Variants in PALLD observed in about 807,000 individuals in gnomAD.
PALLD encodes the protein palladin.
PALLD carries 61 observed loss-of-function variants against 123.5 expected under a neutral mutation model. The observed-to-expected ratio is 0.49, with a 90% CI of 0.40 to 0.61. The LOEUF is 0.61. PALLD is among the 20% of genes least tolerant of loss of function. PALLD has a pLI of 0.00. For missense variants in PALLD, 1,273 were observed against 1,377.0 expected, an observed-to-expected ratio of 0.92 and a Z score of 1.20; for synonymous variants, 465 against 496.4, an observed-to-expected ratio of 0.94 and a Z score of 0.84.
chr4:168,608,061 TC>T (rs1356363535), intron 2 of PALLD, among the ~76,000 whole-genome samples: 1 of 152,192 alleles, frequency 6.6e-6, no homozygotes, highest in African/African-American at 2.4e-5. Context: ...GTTCAGTAGG[TC>T]CCGTTTTTAC....
intron 10 of PALLD, among the ~76,000 whole-genome samples, chr4:168,821,318 G>A (rs1023087875): frequency 8.5e-5 from 13 of 152,086 alleles, no homozygotes; most frequent in African/African-American, 2.7e-4. Flanking sequence ...GAAATCCTAA[G>A]TCCTCTGCAA....
chr4:168,498,443 A>G (rs1760987150), intron 1 of PALLD, among the ~76,000 whole-genome samples: 1 of 152,192 alleles, frequency 6.6e-6, no homozygotes, highest in Non-Finnish European at 1.5e-5. Context: ...TGACCTCCTT[A>G]CCTCATTTTT....
chr4:168,528,092 C>T (rs28491717), intron 2 of PALLD, among the ~76,000 whole-genome samples: 1 of 152,126 alleles, frequency 6.6e-6, no homozygotes, highest in Non-Finnish European at 1.5e-5. Flanking sequence ...ACCCTCCTTG[C>T]ATTGTTTGAG....
rs536065108 is a variant in PALLD at position 168,725,604 on chromosome 4, G to A, written c.1964+13681G>A. Among the ~76,000 whole-genome samples the A allele has an allele frequency of 9.9e-5, 13 of 131,542 alleles. No individual in the cohort carries two copies. The East Asian group carries it at 2.9e-3, about 29-fold the overall frequency. The allele number at this position is 131,542 out of a possible 152,430, so 86.3% of individuals were successfully genotyped here. On this transcript the variant is annotated intron_variant, in intron 10 of 21. Transcript: ENST00000505667. ...TGCAGTGGTGCGATCTCTGCTCACT[G>A]CAAGCTCCGCCTCCCGGGTTCACGC...
In PALLD at chr4:168,927,077, T is replaced by C. The variant is rs1762662741; in HGVS notation, c.*897T>C. ...TTTACAAACCATATTAAAAGGCTAA[T>C]TTAAATATAAATAATATAAAGTGCT... On this transcript the variant is annotated 3_prime_UTR_variant, in exon 22 of 22. Transcript: ENST00000505667. The C allele has an allele frequency of 4.5e-6, 1 of 220,918 alleles. No individual in the cohort carries two copies. Among genetic ancestry groups the C allele is most frequent in the Non-Finnish European group, 9.1e-6 (1 of 109,996 alleles). The allele number at this position is 220,918 out of a possible 1,614,324, so 13.7% of individuals were successfully genotyped here.
intron 2 of PALLD, among the ~76,000 whole-genome samples, chr4:168,625,502 G>GATAGATATATATATATACAT: frequency 8.7e-6 from 1 of 114,430 alleles, no homozygotes; most frequent in African/African-American, 3.3e-5. Context: ...ATATCCAGGA[G>GATAGATATATATATATACAT]ATATATATAT....
At chr4:168,851,089 G>T (rs1261905968) in intron 10 of PALLD, among the ~76,000 whole-genome samples, 1 of 152,034 alleles carries the variant, frequency 6.6e-6, no homozygotes, top group Non-Finnish European at 1.5e-5. Flanking sequence ...CTCCCTTCTT[G>T]TCTTTGTCTC....
chr4:168,760,611 C>A (rs1172733537), intron 10 of PALLD, among the ~76,000 whole-genome samples: 1 of 152,136 alleles, frequency 6.6e-6, no homozygotes, highest in African/African-American at 2.4e-5. Flanking sequence ...TTCCCTCAAT[C>A]CAGGATTTTT....
At chr4:168,522,425 G>A (rs1763647993) in intron 2 of PALLD, among the ~76,000 whole-genome samples, 1 of 152,198 alleles carries the variant, frequency 6.6e-6, no homozygotes, top group South Asian at 2.1e-4. Context: ...TCAAATAGTT[G>A]TTTTGAAAGA....
At chr4:168,703,505 A>C (rs1455304916) in intron 8 of PALLD, among the ~76,000 whole-genome samples, 1 of 125,138 alleles carries the variant, frequency 8.0e-6, no homozygotes, top group Non-Finnish European at 1.6e-5. Context: ...CAATGGTTGA[A>C]CTAGTTTACA....
intron 2 of PALLD, chr4:168,598,360 T>G (rs1580499010): frequency 1.7e-6 from 1 of 578,240 alleles, no homozygotes; most frequent in East Asian, 4.3e-5. Context: ...ATGGGAACTG[T>G]TTGGCTAACT....
chr4:168,821,173 A>G (rs75242530), intron 10 of PALLD, among the ~76,000 whole-genome samples: 1,581 of 152,298 alleles, frequency 0.01, 28 homozygotes, highest in African/African-American at 0.036. Context: ...GATTTGAAGG[A>G]ATTATCTTTA....
At chr4:168,642,922 C>A (rs573156442) in intron 2 of PALLD, among the ~76,000 whole-genome samples, 2 of 152,284 alleles carry the variant, frequency 1.3e-5, no homozygotes, top group Non-Finnish European at 2.9e-5. Context: ...GTATACCTTG[C>A]CTTATTGTTA....
intron 16 of PALLD, among the ~76,000 whole-genome samples, chr4:168,914,478 C>A (rs1034210842): frequency 8.5e-5 from 13 of 152,118 alleles, no homozygotes; most frequent in Non-Finnish European, 1.5e-4. Context: ...AACATAAGAC[C>A]ATTAGACTAC....
At chr4:168,547,036 G>T (rs1002304292) in intron 2 of PALLD, among the ~76,000 whole-genome samples, 1 of 151,868 alleles carries the variant, frequency 6.6e-6, no homozygotes, top group Admixed American at 6.6e-5. Context: ...GGTTTTTGTG[G>T]CCAGCATTCC....
At chr4:168,754,425 T>C (rs1731491972) in intron 10 of PALLD, among the ~76,000 whole-genome samples, 1 of 152,232 alleles carries the variant, frequency 6.6e-6, no homozygotes, top group Admixed American at 6.5e-5. Context: ...TGCAAGTTCC[T>C]CAGTGCTATA....
At chr4:168,540,298 G>A (rs1012442984) in intron 2 of PALLD, among the ~76,000 whole-genome samples, 3 of 152,132 alleles carry the variant, frequency 2.0e-5, no homozygotes, top group Non-Finnish European at 4.4e-5. Context: ...ATAAATTACA[G>A]GCAAGCTTAA....
intron 10 of PALLD, among the ~76,000 whole-genome samples, chr4:168,805,562 T>C (rs1028410417): frequency 2.0e-5 from 3 of 152,242 alleles, no homozygotes; most frequent in Non-Finnish European, 2.9e-5. Context: ...TGCAGGGCTC[T>C]TGCACAACTT....
chr4:168,857,972 C>A (rs1287982054), intron 10 of PALLD, among the ~76,000 whole-genome samples: 1 of 152,220 alleles, frequency 6.6e-6, no homozygotes, highest in Admixed American at 6.5e-5. Flanking sequence ...GGAAGCATCA[C>A]TGTTGAAATG....
Sources: allele counts gnomAD v4.1 joint callset (sites outside exome capture counted in the v4.1 genomes callset), GRCh38; gene constraint gnomAD v4.1.1; transcripts MANE v1.5; gene names NCBI Gene and HGNC (gene_info 2026-07-23, HGNC 2026-07-21).